The following RGS7 variants were observed in gnomAD, a reference collection of about 807,000 sequenced individuals.
The protein encoded by RGS7 is regulator of G-protein signaling 7.
RGS7 carries 27 observed loss-of-function variants against 81.1 expected under a neutral mutation model. The ratio of observed to expected loss-of-function variants is 0.33; its 90% CI spans 0.25 to 0.46. The LOEUF is 0.46. Among genes scored for constraint, RGS7 ranks in the 20% least tolerant of loss-of-function variants. The probability of loss-of-function intolerance (pLI) is 1.00; values close to 1 mark genes in which losing one functional copy is unlikely to be tolerated. For synonymous variants in RGS7, 208 were observed against 207.7 expected (o/e 1.00, Z -0.01); for missense variants, 396 against 607.4 (o/e 0.65, Z 3.66).
At chr1:240,796,200 T>C (rs956551609) in intron 18 of RGS7, among the ~76,000 whole-genome samples, 1 of 152,232 alleles carries the variant, frequency 6.6e-6, no homozygotes, top group Non-Finnish European at 1.5e-5. Context: ...TTACCACTTA[T>C]ATATAATCTG....
chr1:241,063,609 C>A (rs2061863204), intron 3 of RGS7, among the ~76,000 whole-genome samples: 1 of 152,174 alleles, frequency 6.6e-6, no homozygotes, highest in Admixed American at 6.5e-5. Flanking sequence ...CCTGCTTTCA[C>A]CGGCTTTTGA....
rs372968851 is a variant in RGS7 at position 240,806,293 on chromosome 1, C to T, written c.1116G>A (p.Arg372=). ...FWLAVEDLKK[R]PIKEVPSRVQ... is the part of the protein sequence containing the mutation. ...CTCTTGAGGGTACTTCTTTAATAGG[C>T]CTCTTTTTCAGGTCCTCCACTGCCA... Residue 372 remains arginine, a synonymous_variant, in exon 15 of 19, where the codon AGG becomes AGA. Transcript: ENST00000440928. 109 of 1,613,924 alleles carry T rather than the reference C, an allele frequency of 6.8e-5. No homozygotes were observed. The East Asian group carries it at 1.3e-3, about 19-fold the overall frequency.
intron 2 of RGS7, among the ~76,000 whole-genome samples, chr1:241,185,631 T>A (rs2072028570): frequency 6.6e-6 from 1 of 152,110 alleles, no homozygotes; most frequent in South Asian, 2.1e-4. Flanking sequence ...CTAAAAATCA[T>A]ACTAATTATG....
chr1:240,971,284 C>A (rs899062102), intron 4 of RGS7, among the ~76,000 whole-genome samples: 1 of 152,204 alleles, frequency 6.6e-6, no homozygotes, highest in African/African-American at 2.4e-5. Context: ...GTTTCCCAAA[C>A]TGTGAGAAAT....
chr1:240,998,588 G>T, intron 3 of RGS7: 1 of 836,260 alleles, frequency 1.2e-6, no homozygotes, highest in South Asian at 1.3e-5. Flanking sequence ...CCAGCTGCTG[G>T]ACCAGGTCCA....
intron 3 of RGS7, among the ~76,000 whole-genome samples, chr1:241,005,063 C>T (rs1041120076): frequency 2.0e-5 from 3 of 152,076 alleles, no homozygotes; most frequent in African/African-American, 4.8e-5. Context: ...CATGAGGTGC[C>T]CAACACAGAC....
At chr1:241,306,128 T>TCACA (rs3052437) in intron 2 of RGS7, among the ~76,000 whole-genome samples, 6,180 of 149,730 alleles carry the variant, frequency 0.041, 177 homozygotes, top group African/African-American at 0.077. Flanking sequence ...CATCTCTTTT[T>TCACA]CACACACACA....
At chr1:241,227,172 C>CCACGTGCA (rs1173165797) in intron 2 of RGS7, among the ~76,000 whole-genome samples, 6 of 152,082 alleles carry the variant, frequency 3.9e-5, no homozygotes, top group African/African-American at 7.2e-5. Flanking sequence ...CAGGATACAC[C>CCACGTGCA]CACGTGCACA....
At chr1:241,116,219 G>T (rs952257392) in intron 2 of RGS7, among the ~76,000 whole-genome samples, 1 of 152,030 alleles carries the variant, frequency 6.6e-6, no homozygotes, top group African/African-American at 2.4e-5. Context: ...CATTATACAT[G>T]TAATTTTAGA....
intron 2 of RGS7, among the ~76,000 whole-genome samples, chr1:241,159,108 G>GT (rs1204711334): frequency 6.6e-6 from 1 of 152,070 alleles, no homozygotes; most frequent in African/African-American, 2.4e-5. Context: ...AATAATAAAT[G>GT]TTTTTTATCT....
intron 4 of RGS7, among the ~76,000 whole-genome samples, chr1:240,963,580 T>C (rs1681810128): frequency 6.6e-6 from 1 of 152,064 alleles, no homozygotes; most frequent in African/African-American, 2.4e-5. Flanking sequence ...AAGTAATCAT[T>C]GAATTTTGCA....
chr1:240,903,165 C>T (rs1050599807), intron 6 of RGS7, among the ~76,000 whole-genome samples: 2 of 152,116 alleles, frequency 1.3e-5, no homozygotes, highest in Non-Finnish European at 2.9e-5. Flanking sequence ...AAAGAATCAG[C>T]TGTCAAAAAG....
In RGS7 at chr1:240,858,452, A is replaced by G. The variant is rs556930633; in HGVS notation, c.609+10135T>C. ...GTCATGCTAATAGGTGTGCAGTGGT[A>G]TGCAATTGTTGTTTTAATTTAGCCC... On this transcript the variant is annotated intron_variant, in intron 9 of 18. Transcript: ENST00000440928. 2.6e-5 allele frequency among the ~76,000 whole-genome samples: 4 copies of G among 152,270 alleles called. No homozygotes were observed. In the South Asian group the frequency reaches 8.3e-4, roughly 32 times the overall value.
At chr1:240,781,150 T>C (rs1266200731) in intron 18 of RGS7, among the ~76,000 whole-genome samples, 1 of 152,108 alleles carries the variant, frequency 6.6e-6, no homozygotes, top group East Asian at 1.9e-4. Context: ...AATTGGATGA[T>C]ACAAGTTAAG....
At chr1:240,951,974 AG>A (rs1348368526) in intron 4 of RGS7, among the ~76,000 whole-genome samples, 1 of 152,192 alleles carries the variant, frequency 6.6e-6, no homozygotes, top group Non-Finnish European at 1.5e-5. Flanking sequence ...AAGAGAATAC[AG>A]TGAAATATGT....
intron 9 of RGS7, among the ~76,000 whole-genome samples, chr1:240,847,668 T>C (rs1659343738): frequency 6.6e-6 from 1 of 152,192 alleles, no homozygotes. Flanking sequence ...AGAAATAACA[T>C]AAATTTTGCA....
intron 4 of RGS7, among the ~76,000 whole-genome samples, chr1:240,982,094 C>T (rs1021068717): frequency 6.6e-6 from 1 of 151,954 alleles, no homozygotes. Context: ...GAATTGTTTG[C>T]CACGTGTGAA....
intron 2 of RGS7, among the ~76,000 whole-genome samples, chr1:241,245,893 A>G (rs2076509439): frequency 6.6e-6 from 1 of 152,082 alleles, no homozygotes; most frequent in Non-Finnish European, 1.5e-5. Flanking sequence ...TCATGAGGTC[A>G]GGAGATCAAG....
At chr1:241,326,270 C>A (rs2081486631) in intron 2 of RGS7, among the ~76,000 whole-genome samples, 1 of 152,178 alleles carries the variant, frequency 6.6e-6, no homozygotes, top group Non-Finnish European at 1.5e-5. Context: ...TAGTGAGATG[C>A]AAAGGATGAC....
Sources: gnomAD v4.1 joint callset for allele counts (sites outside exome capture counted in the v4.1 genomes callset) on GRCh38, gnomAD v4.1.1 for gene constraint, MANE v1.5 for transcripts, NCBI Gene and HGNC (gene_info 2026-07-23, HGNC 2026-07-21) for gene names.